The following NRG3 variants were observed in gnomAD, a reference collection of about 807,000 sequenced individuals.
NRG3 encodes the protein pro-neuregulin-3, membrane-bound isoform.
In NRG3, 31 loss-of-function variants were observed where a neutral mutation model predicts 66.9. The ratio of observed to expected loss-of-function variants is 0.46; its 90% CI spans 0.35 to 0.63. NRG3 has a LOEUF of 0.63. NRG3 is among the 20% of genes least tolerant of loss of function. The pLI, the probability that NRG3 is intolerant of heterozygous loss-of-function variation, is 0.00. For synonymous variants in NRG3, 393 were observed against 359.4 expected, an observed-to-expected ratio of 1.09 and a Z score of -1.06; for missense variants, 910 against 878.9, an observed-to-expected ratio of 1.04 and a Z score of -0.45.
chr10:82,061,825 T>C (rs939269773), intron 1 of NRG3, among the ~76,000 whole-genome samples: 1 of 148,016 alleles, frequency 6.8e-6, no homozygotes, highest in Non-Finnish European at 1.5e-5. Flanking sequence ...TGTTCTCTTC[T>C]TTCTGTCAGT....
chr10:82,125,102 T>G (rs1276827978), intron 1 of NRG3, among the ~76,000 whole-genome samples: 2 of 152,052 alleles, frequency 1.3e-5, no homozygotes, highest in African/African-American at 2.4e-5. Flanking sequence ...CTGACAAAGA[T>G]GAAAGAAATA....
intron 1 of NRG3, among the ~76,000 whole-genome samples, chr10:82,258,468 A>G (rs2077851860): frequency 6.6e-6 from 1 of 152,204 alleles, no homozygotes; most frequent in South Asian, 2.1e-4. Flanking sequence ...ATGAATTCAC[A>G]AATTAGGCAG....
chr10:82,182,019 G>GA (rs1279802473), intron 1 of NRG3, among the ~76,000 whole-genome samples: 1 of 151,476 alleles, frequency 6.6e-6, no homozygotes, highest in Non-Finnish European at 1.5e-5. Context: ...TTGCTCTTGT[G>GA]ACAGTTTTTG....
chr10:82,651,756 C>A (rs982787689), intron 2 of NRG3, among the ~76,000 whole-genome samples: 3 of 152,140 alleles, frequency 2.0e-5, no homozygotes, highest in African/African-American at 4.8e-5. Context: ...TGGTTGGAGG[C>A]CATGGATGCT....
intron 2 of NRG3, among the ~76,000 whole-genome samples, chr10:82,612,559 C>T (rs2048380553): frequency 6.6e-6 from 1 of 152,064 alleles, no homozygotes; most frequent in Non-Finnish European, 1.5e-5. Context: ...AGAATTATGC[C>T]ACATACTCTA....
intron 3 of NRG3, among the ~76,000 whole-genome samples, chr10:82,740,460 C>T (rs978767660): frequency 2.0e-5 from 3 of 152,064 alleles, no homozygotes; most frequent in African/African-American, 7.2e-5. Flanking sequence ...ATTCTCTCCT[C>T]GTAGAACAAA....
chr10:82,519,334 A>G (rs190654870), intron 2 of NRG3, among the ~76,000 whole-genome samples: 3 of 152,290 alleles, frequency 2.0e-5, no homozygotes, highest in Admixed American at 2.0e-4. Context: ...GCCTTGACCC[A>G]GATGTGAAAT....
chr10:81,976,790 A>G lies in NRG3; in HGVS notation c.823+100627A>G, dbSNP rs986189067. On this transcript the variant is annotated intron_variant, in intron 1 of 8. Transcript: ENST00000372141. ...TTGGATGTGAGCTAATTTCTATTGG[A>G]CATTAAATTCTATAGGAAGGTGAAG... Among the ~76,000 whole-genome samples, 8 of 152,316 alleles carry G rather than the reference A, an allele frequency of 5.3e-5. 2 individuals are homozygous for G. Among genetic ancestry groups the G allele is most frequent in the Admixed American group, 2.0e-4 (3 of 15,300 alleles).
intron 1 of NRG3, among the ~76,000 whole-genome samples, chr10:82,311,675 G>A (rs1256865098): frequency 6.6e-6 from 1 of 152,098 alleles, no homozygotes; most frequent in East Asian, 1.9e-4. Flanking sequence ...CTTTCCAGGA[G>A]CCAGATAGTA....
intron 1 of NRG3, among the ~76,000 whole-genome samples, chr10:82,338,772 C>T (rs1254866852): frequency 6.6e-6 from 1 of 152,174 alleles, no homozygotes; most frequent in Non-Finnish European, 1.5e-5. Flanking sequence ...CGTGAAACCC[C>T]ATGAATTATA....
chr10:82,921,486 C>T lies in NRG3; in HGVS notation c.1055-29983C>T, dbSNP rs370647001. Among the ~76,000 whole-genome samples, 41 of 152,148 alleles carry T rather than the reference C, an allele frequency of 2.7e-4. No homozygotes were observed. The East Asian group carries it at 6.4e-3, about 24-fold the overall frequency. On this transcript the variant is annotated intron_variant, in intron 4 of 8. Coordinates refer to ENST00000372141, the MANE Select transcript of NRG3 (RefSeq NM_001010848.4). ...TTCAGTGTTGATTCATTCATTGTGA[C>T]GAACGTACTGTACTAATGTAAGATG... is the stretch of plus-strand genomic sequence containing the variant.
chr10:82,023,492 ATTT>A (rs577273352), intron 1 of NRG3, among the ~76,000 whole-genome samples: 3 of 151,892 alleles, frequency 2.0e-5, no homozygotes, highest in Non-Finnish European at 2.9e-5. Context: ...TAACTATGGG[ATTT>A]TTATAAGTGG....
intron 2 of NRG3, among the ~76,000 whole-genome samples, chr10:82,559,006 A>C (rs2044847902): frequency 6.6e-6 from 1 of 152,214 alleles, no homozygotes; most frequent in Non-Finnish European, 1.5e-5. Context: ...TTACTCTGAG[A>C]TAACCACCAT....
chr10:81,911,727 C>CCACACA (rs112669396), intron 1 of NRG3, among the ~76,000 whole-genome samples: 6 of 145,948 alleles, frequency 4.1e-5, no homozygotes, highest in African/African-American at 1.0e-4. Context: ...TTCCCCGTTA[C>CCACACA]CACACACACA....
intron 2 of NRG3, among the ~76,000 whole-genome samples, chr10:82,359,107 A>G (rs143196366): frequency 2.0e-5 from 3 of 152,320 alleles, no homozygotes; most frequent in Admixed American, 6.5e-5. Flanking sequence ...GCAAACAAAG[A>G]TTTACTTTTA....
At chr10:82,930,384 G>A (rs2475797) in intron 4 of NRG3, among the ~76,000 whole-genome samples, 104,615 of 152,154 alleles carry the variant, frequency 0.69, 36,680 homozygotes, top group African/African-American at 0.83. Context: ...AGGACTATCT[G>A]TCTTCAGAGA....
intron 3 of NRG3, among the ~76,000 whole-genome samples, chr10:82,842,613 C>T (rs1394505568): frequency 6.6e-6 from 1 of 152,174 alleles, no homozygotes; most frequent in African/African-American, 2.4e-5. Context: ...ATAATCCAAG[C>T]ATCTAGAATA....
intron 4 of NRG3, among the ~76,000 whole-genome samples, chr10:82,919,374 G>GT (rs1846196621): frequency 6.6e-6 from 1 of 152,092 alleles, no homozygotes; most frequent in Admixed American, 6.5e-5. Context: ...ACCTATTAAT[G>GT]TTTTTCTGAA....
intron 2 of NRG3, among the ~76,000 whole-genome samples, chr10:82,536,210 T>A (rs1050610023): frequency 6.6e-6 from 1 of 152,180 alleles, no homozygotes; most frequent in African/African-American, 2.4e-5. Context: ...ACTATTTTCA[T>A]GAAGTCTGGA....
Sources: allele counts gnomAD v4.1 joint callset (sites outside exome capture counted in the v4.1 genomes callset), GRCh38; gene constraint gnomAD v4.1.1; transcripts MANE v1.5; gene names NCBI Gene and HGNC (gene_info 2026-07-23, HGNC 2026-07-21).